HNRNPUL1: variants seen among roughly 807,000 people sequenced by gnomAD.
HNRNPUL1 encodes the protein heterogeneous nuclear ribonucleoprotein U-like protein 1.
A neutral mutation model predicts 108.5 loss-of-function variants in HNRNPUL1; 14 were observed. The observed-to-expected ratio is 0.13, with a 90% CI of 0.09 to 0.20. HNRNPUL1 has a LOEUF of 0.20. Among genes scored for constraint, HNRNPUL1 ranks in the 10% least tolerant of loss-of-function variants. The pLI is 1.00. For synonymous variants in HNRNPUL1, 422 were observed against 445.2 expected (o/e 0.95, Z 0.66); for missense variants, 804 against 1,168.3 (o/e 0.69, Z 4.55).
chr19:41,277,333 C>A (rs961288266), intron 5 of HNRNPUL1, among the ~76,000 whole-genome samples: 6 of 152,116 alleles, frequency 3.9e-5, no homozygotes, highest in Admixed American at 3.9e-4. Context: ...CCTCACAGTA[C>A]CATCTGGAAA....
intron 12 of HNRNPUL1, 40 bp from the exon 13 acceptor site, chr19:41,303,932 G>A (rs774745755): frequency 2.5e-6 from 4 of 1,574,162 alleles, no homozygotes; most frequent in Non-Finnish European, 3.5e-6. Context: ...GTTGCCATTT[G>A]GGAATGATGG....
rs758661018 is a variant in HNRNPUL1 at position 41,276,359 on chromosome 19, A to C, written c.786+61A>C. 7 of 1,529,708 alleles carry C rather than the reference A, an allele frequency of 4.6e-6. No individual in the cohort carries two copies. The Admixed American group carries it at 1.5e-4, about 32-fold the overall frequency. 94.8% of individuals were successfully genotyped at this position (1,529,708 alleles called of 1,614,324 possible). On this transcript the variant is annotated intron_variant, in intron 5 of 14. Coordinates refer to ENST00000392006, the MANE Select transcript of HNRNPUL1 (RefSeq NM_007040.6). ...AGTCCATCCATTGTAATATCCTGAT[A>C]CCAGCCACCTTGGTCAGAGCTGCAA... is the stretch of plus-strand genomic sequence containing the variant.
chr19:41,292,617 T>C lies in HNRNPUL1; in HGVS notation c.1266+106T>C. 1.6e-5 allele frequency: 22 copies of C among 1,385,410 alleles called. No homozygotes were observed. In the South Asian group the frequency reaches 2.7e-4, roughly 17 times the overall value. 85.8% of individuals were successfully genotyped at this position (1,385,410 alleles called of 1,614,324 possible). A position where few individuals can be genotyped will look rare whatever the true frequency, so the allele number is the denominator to read the frequency against. Reference sequence around the variant, plus strand: ...GCTGCGAGAGTAGCCTTGGGGCAAGTGGCCACTTTGTCCCAGCTCCTCAGG... The same window carrying C: ...GCTGCGAGAGTAGCCTTGGGGCAAGCGGCCACTTTGTCCCAGCTCCTCAGG... On this transcript the variant is annotated intron_variant, in intron 8 of 14. Coordinates refer to ENST00000392006, the MANE Select transcript of HNRNPUL1 (RefSeq NM_007040.6). The surrounding 1 kb of genome is among the most constrained non-coding windows in gnomAD (Gnocchi z 4.1).
chr19:41,305,951 C>A, intron 14 of HNRNPUL1, 84 bp downstream of exon 14: 1 of 946,624 alleles, frequency 1.1e-6, no homozygotes, highest in Non-Finnish European at 1.6e-6. Flanking sequence ...TAAGTCCCTG[C>A]TTATCCCTAA....
At chr19:41,277,154 C>T (rs1406348233) in intron 5 of HNRNPUL1, among the ~76,000 whole-genome samples, 2 of 152,008 alleles carry the variant, frequency 1.3e-5, no homozygotes, top group African/African-American at 4.8e-5. Context: ...TTCTCATGTC[C>T]TCTCAGTTCC....
At chr19:41,295,675 T>C (rs1466629977) in intron 10 of HNRNPUL1, among the ~76,000 whole-genome samples, 1 of 152,242 alleles carries the variant, frequency 6.6e-6, no homozygotes, top group Non-Finnish European at 1.5e-5. Flanking sequence ...CACCCTGCCC[T>C]TGTAGCCTTC....
At chr19:41,305,963 A>G (rs1244312265) in intron 14 of HNRNPUL1, 96 bp downstream of exon 14, 1 of 843,038 alleles carries the variant, frequency 1.2e-6, no homozygotes, top group Non-Finnish European at 1.9e-6. Context: ...TATCCCTAAA[A>G]AGACAGCCTG....
chr19:41,264,507 G>T lies in HNRNPUL1; in HGVS notation c.4G>T (p.Asp2Tyr). The change falls in exon 1 of 15, where the codon GAT becomes TAT. Residue 2 changes from aspartate (D) to tyrosine (Y), a missense_variant. This residue lies in a region of HNRNPUL1 where 256 missense variants were observed against 261.6 expected (regional missense o/e 0.98). Coordinates refer to ENST00000392006, the MANE Select transcript of HNRNPUL1 (RefSeq NM_007040.6). MDVRRLKVNELR... is the reference protein window; with the variant it reads MYVRRLKVNELR... ...GGCCACCCCGGGGGCCCGGGCCATG[G>T]ATGTGCGCCGTCTGAAGGTGAACGA... 7.0e-7 allele frequency: 1 copy of T among 1,424,846 alleles called. No homozygotes were observed. Among genetic ancestry groups the T allele is most frequent in the Non-Finnish European group, 9.2e-7 (1 of 1,087,048 alleles). The allele number at this position is 1,424,846 out of a possible 1,614,324, so 88.3% of individuals were successfully genotyped here.
chr19:41,280,947 T>A, intron 6 of HNRNPUL1: 1 of 520,174 alleles, frequency 1.9e-6, no homozygotes, highest in Non-Finnish European at 3.5e-6. Context: ...GAGCTCCTAC[T>A]CCCAGACTGG....
chr19:41,276,321 G>T, intron 5 of HNRNPUL1, 23 bp downstream of exon 5: 1 of 1,590,170 alleles, frequency 6.3e-7, no homozygotes, highest in Non-Finnish European at 8.6e-7. Context: ...AAGAGAAGGG[G>T]AAGGGACAGA....
intron 13 of HNRNPUL1, among the ~76,000 whole-genome samples, chr19:41,304,554 A>G (rs975717840): frequency 6.6e-6 from 1 of 152,202 alleles, no homozygotes; most frequent in Non-Finnish European, 1.5e-5. Flanking sequence ...CAGCAAGTAC[A>G]TTATTCTTGG....
chr19:41,279,021 C>T, intron 5 of HNRNPUL1, 56 bp from the exon 6 acceptor site: 1 of 1,236,212 alleles, frequency 8.1e-7, no homozygotes, highest in Middle Eastern at 1.9e-4. Context: ...TATATTGGCT[C>T]ATAACCTACG....
chr19:41,265,484 C>A, intron 1 of HNRNPUL1: 1 of 1,148,704 alleles, frequency 8.7e-7, no homozygotes, highest in Non-Finnish European at 1.2e-6. Context: ...CATCTCTCTT[C>A]CGGGGCTGGA....
intron 7 of HNRNPUL1, among the ~76,000 whole-genome samples, chr19:41,285,520 A>T (rs2036170628): frequency 6.6e-6 from 1 of 152,134 alleles, no homozygotes; most frequent in African/African-American, 2.4e-5. Context: ...TGTCAGATTG[A>T]TGATCAGGAC....
At chr19:41,282,401 C>T (rs1270544916) in intron 7 of HNRNPUL1, among the ~76,000 whole-genome samples, 2 of 152,122 alleles carry the variant, frequency 1.3e-5, no homozygotes, top group South Asian at 2.1e-4. Context: ...AGGCTGGTCT[C>T]GAACTCCCGA....
At chr19:41,280,070 G>C (rs1344802050) in intron 6 of HNRNPUL1, among the ~76,000 whole-genome samples, 1 of 152,122 alleles carries the variant, frequency 6.6e-6, no homozygotes. Context: ...TTTAACACTT[G>C]AGCCATTATC....
Position 41,294,665 on chromosome 19 carries a change from A to T in HNRNPUL1, c.1497A>T (p.Lys499Asn). 6.2e-7 allele frequency: 1 copy of T among 1,614,204 alleles called. No homozygotes were observed. The highest frequency in any genetic ancestry group is 8.5e-7 in the Non-Finnish European group (1 of 1,180,024). Residue 499 changes from lysine to asparagine, a missense_variant, in exon 10 of 15, where the codon AAA becomes AAT. This residue lies in a region of HNRNPUL1 where 80 missense variants were observed against 221.8 expected (regional missense o/e 0.36). Coordinates refer to ENST00000392006, the MANE Select transcript of HNRNPUL1 (RefSeq NM_007040.6). The surrounding 1 kb of genome is among the most constrained non-coding windows in gnomAD (Gnocchi z 4.3). ...TCATCCAGATTGCTGCCCGCAAGAA[A>T]CGCAACTATATCCTAGATCAGGTAC... ...NRLIQIAARK[K>N]RNYILDQTNV...
At chr19:41,265,613 G>C (rs1568425096) in intron 1 of HNRNPUL1, among the ~76,000 whole-genome samples, 1 of 152,122 alleles carries the variant, frequency 6.6e-6, no homozygotes, top group Non-Finnish European at 1.5e-5. Context: ...GCGGGGGAGA[G>C]GATGCTTTCC....
At chr19:41,296,226 A>G (rs2036888166) in intron 10 of HNRNPUL1, among the ~76,000 whole-genome samples, 1 of 152,164 alleles carries the variant, frequency 6.6e-6, no homozygotes, top group African/African-American at 2.4e-5. Flanking sequence ...TGGATCGTCT[A>G]ACATCTCTGT....
Sources: gnomAD v4.1 joint callset for allele counts (sites outside exome capture counted in the v4.1 genomes callset) on GRCh38, gnomAD v4.1.1 for gene constraint, gnomAD v4.1.1 regional missense constraint, Gnocchi (gnomAD v3.1) non-coding constraint, MANE v1.5 for transcripts, NCBI Gene and HGNC (gene_info 2026-07-23, HGNC 2026-07-21) for gene names.